STAG1: variants seen among roughly 807,000 people sequenced by gnomAD.
The protein encoded by STAG1 is STAG1 cohesin complex component.
A neutral mutation model predicts 170.9 loss-of-function variants in STAG1; 26 were observed. The ratio of observed to expected loss-of-function variants is 0.15; its 90% confidence interval spans 0.11 to 0.21. The LOEUF is 0.21. Among genes scored for constraint, STAG1 ranks in the 10% least tolerant of loss-of-function variants. The probability of loss-of-function intolerance (pLI) is 1.00; values close to 1 mark genes in which losing one functional copy is unlikely to be tolerated. For synonymous variants in STAG1, 514 were observed against 497.7 expected (o/e 1.03, Z -0.44); for missense variants, 964 against 1,509.5 (o/e 0.64, Z 5.99).
chr3:136,680,168 T>C (rs1576755926), intron 1 of STAG1, among the ~76,000 whole-genome samples: 1 of 151,862 alleles, frequency 6.6e-6, no homozygotes, highest in Non-Finnish European at 1.5e-5. Flanking sequence ...GTCTGAGGCA[T>C]GAGAATCACT....
rs531047997 is a variant in STAG1, at chr3:136,591,747, T to C, written c.297+12562A>G. The stretch of plus-strand genomic sequence containing the variant: ...CCATTTGGAACCAGAGAGAGATAAT[T>C]AAAAGAACTAAATGCAAGAAAGAAA... On this transcript the variant is annotated intron_variant, in intron 4 of 33. Coordinates refer to ENST00000383202, the MANE Select transcript of STAG1 (RefSeq NM_005862.3). 5.9e-4 allele frequency among the ~76,000 whole-genome samples: 90 copies of C among 152,218 alleles called. 1 individual carries two copies. The highest frequency in any genetic ancestry group is 2.1e-3 in the African/African-American group (88 of 41,542).
intron 1 of STAG1, among the ~76,000 whole-genome samples, chr3:136,748,901 C>T (rs964122567): frequency 7.9e-5 from 12 of 151,690 alleles, no homozygotes; most frequent in Admixed American, 5.3e-4. Flanking sequence ...TACCAGGAAA[C>T]GGGAAAGGAA....
rs930317167 is a variant in STAG1, at chr3:136,688,326, T to C, written c.-83-57345A>G. Among the ~76,000 whole-genome samples, 5 of 152,200 alleles carry C rather than the reference T, an allele frequency of 3.3e-5. No individual in the cohort carries two copies. In the South Asian group the frequency reaches 6.2e-4, roughly 19 times the overall value. ...TAGACAAAGTCAACAGGTTGCAGACTGTGGTGTTTCAGATCTTCATCTACC... is the reference window on the plus strand; with the variant it reads ...TAGACAAAGTCAACAGGTTGCAGACCGTGGTGTTTCAGATCTTCATCTACC... On this transcript the variant is annotated intron_variant, in intron 1 of 33. Transcript: ENST00000383202.
intron 1 of STAG1, among the ~76,000 whole-genome samples, chr3:136,727,469 TG>T (rs1243009911): frequency 6.6e-6 from 1 of 152,208 alleles, no homozygotes; most frequent in Non-Finnish European, 1.5e-5. Flanking sequence ...ATAAAAAGCT[TG>T]TATTCAATAA....
At chr3:136,347,395 C>CAA (rs34533734) in intron 29 of STAG1, among the ~76,000 whole-genome samples, 17,440 of 78,574 alleles carry the variant, frequency 0.22, 1,730 homozygotes, top group Non-Finnish European at 0.28. Flanking sequence ...GATCCTGTCT[C>CAA]AAAAAAAAAA....
At chr3:136,510,288 G>A (rs918682413) in intron 7 of STAG1, among the ~76,000 whole-genome samples, 4 of 152,042 alleles carry the variant, frequency 2.6e-5, no homozygotes, top group Non-Finnish European at 5.9e-5. Context: ...GAGTTCTTTG[G>A]ATTATTTTTC....
chr3:136,598,131 G>C (rs992943128), intron 4 of STAG1, among the ~76,000 whole-genome samples: 1 of 152,050 alleles, frequency 6.6e-6, no homozygotes, highest in South Asian at 2.1e-4. Flanking sequence ...GTATTCCTAA[G>C]ATAAAACCTT....
At position 136,736,798 on chromosome 3, in the gene STAG1, C is replaced by T. The variant is rs1162190647; in HGVS notation, c.-84+15397G>A. On this transcript the variant is annotated intron_variant, in intron 1 of 33. Coordinates refer to ENST00000383202, the MANE Select transcript of STAG1 (RefSeq NM_005862.3). Reference sequence around the variant, plus strand: ...CTTGTTTGAACAGCTCAGGATCATCCTCCTCTACAATTGTAGGTTTTCCTT... The same window carrying T: ...CTTGTTTGAACAGCTCAGGATCATCTTCCTCTACAATTGTAGGTTTTCCTT... The T allele has an allele frequency of 3.1e-6, 5 of 1,588,964 alleles. No homozygotes were observed. The Admixed American group carries it at 5.0e-5, about 16-fold the overall frequency.
chr3:136,371,554 G>A (rs1937339917), intron 23 of STAG1, among the ~76,000 whole-genome samples: 1 of 152,078 alleles, frequency 6.6e-6, no homozygotes, highest in African/African-American at 2.4e-5. Context: ...GAAGGGATCT[G>A]GTTTCAGCTT....
At position 136,664,330 on chromosome 3, in the gene STAG1, T is replaced by C. The variant is rs983630377; in HGVS notation, c.-83-33349A>G. Among the ~76,000 whole-genome samples the C allele has an allele frequency of 1.4e-4, 22 of 152,204 alleles. 1 individual carries two copies. Among genetic ancestry groups the C allele is most frequent in the Non-Finnish European group, 1.5e-5 (1 of 68,030 alleles). On this transcript the variant is annotated intron_variant, in intron 1 of 33. Coordinates refer to ENST00000383202, the MANE Select transcript of STAG1 (RefSeq NM_005862.3). Reference sequence around the variant, plus strand: ...ACTATGGAACATAGTGCATAAAAGTTTGGAAGCTACTGCTCTAAACAAAAT... The same window carrying C: ...ACTATGGAACATAGTGCATAAAAGTCTGGAAGCTACTGCTCTAAACAAAAT...
chr3:136,501,761 TAA>T (rs1933490017), intron 8 of STAG1, among the ~76,000 whole-genome samples: 2 of 152,222 alleles, frequency 1.3e-5, no homozygotes, highest in Admixed American at 6.5e-5. Context: ...ATAAACCCAT[TAA>T]GTTATTATTC....
At chr3:136,370,513 C>A (rs534415782) in intron 23 of STAG1, among the ~76,000 whole-genome samples, 4 of 152,172 alleles carry the variant, frequency 2.6e-5, no homozygotes, top group African/African-American at 7.2e-5. Flanking sequence ...CTCACCACTC[C>A]CCCCACCCCA....
At position 136,587,541 on chromosome 3, in the gene STAG1, CAAAAAAAA is replaced by C. The variant is rs747339467; in HGVS notation, c.297+16760_297+16767del. Among the ~76,000 whole-genome samples the C allele has an allele frequency of 4.9e-5, 3 of 60,788 alleles. No homozygotes were observed. In the East Asian group the frequency reaches 2.1e-3, roughly 42 times the overall value. The allele number at this position is 60,788 out of a possible 152,430, so 39.9% of individuals were successfully genotyped here. ...GGGTAACAAGAATGAAACTCCATCTCAAAAAAAAAAAAAAAAAAAAGCAATTTATAGCT... is the reference window on the plus strand; with the variant it reads ...GGGTAACAAGAATGAAACTCCATCTCAAAAAAAAAAAAGCAATTTATAGCT... On this transcript the variant is annotated intron_variant, in intron 4 of 33. Coordinates refer to ENST00000383202, the MANE Select transcript of STAG1 (RefSeq NM_005862.3).
chr3:136,720,319 G>A (rs1197211111), intron 1 of STAG1, among the ~76,000 whole-genome samples: 3 of 152,136 alleles, frequency 2.0e-5, no homozygotes, highest in African/African-American at 7.2e-5. Flanking sequence ...CCCAGATCTT[G>A]TAAATGATTA....
chr3:136,594,276 G>A (rs1429090367), intron 4 of STAG1, among the ~76,000 whole-genome samples: 1 of 152,078 alleles, frequency 6.6e-6, no homozygotes, highest in Non-Finnish European at 1.5e-5. Flanking sequence ...GATACGAAGC[G>A]ATTTGGCATG....
intron 12 of STAG1, among the ~76,000 whole-genome samples, chr3:136,468,089 C>A (rs576848603): frequency 2.6e-5 from 4 of 151,912 alleles, no homozygotes; most frequent in Admixed American, 2.0e-4. Flanking sequence ...ACATCACAAT[C>A]GAAAGAACTA....
In STAG1 at chr3:136,506,514, C is replaced by A. The variant is rs868649370; in HGVS notation, c.677-3735G>T. On this transcript the variant is annotated intron_variant, in intron 7 of 33. Transcript: ENST00000383202. ...AAAAAAAATTTCCCAGATGTGGTGA[C>A]GCACGCCAGTAATCCCAGCTACTCG... is the stretch of plus-strand genomic sequence containing the variant. 1.4e-3 allele frequency among the ~76,000 whole-genome samples: 209 copies of A among 147,312 alleles called. 1 individual carries two copies. The highest frequency in any genetic ancestry group is 5.0e-3 in the African/African-American group (199 of 39,640).
intron 14 of STAG1, among the ~76,000 whole-genome samples, chr3:136,450,480 C>A (rs2088904775): frequency 6.6e-6 from 1 of 152,200 alleles, no homozygotes; most frequent in Non-Finnish European, 1.5e-5. Context: ...AACTCCTTCA[C>A]CACTTTCTGC....
intron 1 of STAG1, among the ~76,000 whole-genome samples, chr3:136,684,326 A>C (rs1044595606): frequency 3.3e-5 from 5 of 152,248 alleles, no homozygotes; most frequent in Admixed American, 1.3e-4. Context: ...TGGCAAAACA[A>C]TACGACAAAT....
Sources: allele counts gnomAD v4.1 joint callset (sites outside exome capture counted in the v4.1 genomes callset), GRCh38; gene constraint gnomAD v4.1.1; transcripts MANE v1.5; gene names NCBI Gene and HGNC (gene_info 2026-07-23, HGNC 2026-07-21).